Variants in ABR observed in about 807,000 individuals in gnomAD.
The protein encoded by ABR is ABR activator of RhoGEF and GTPase, also known as active breakpoint cluster region-related protein.
Under a neutral mutation model 107.2 loss-of-function variants are expected in ABR, and 35 were observed. That is an observed-to-expected ratio of 0.33 (90% CI 0.25 to 0.43). The LOEUF (loss-of-function observed/expected upper bound fraction) is 0.43, where lower values mean the gene tolerates loss of function less well. ABR is among the 20% of genes least tolerant of loss of function. The pLI is 1.00. For synonymous variants in ABR, 498 were observed against 462.0 expected (o/e 1.08, Z -1.00); for missense variants, 815 against 1,115.2 (o/e 0.73, Z 3.83).
At chr17:1,056,371 G>T (rs1290912331) in intron 13 of ABR, among the ~76,000 whole-genome samples, 2 of 152,098 alleles carry the variant, frequency 1.3e-5, no homozygotes, top group African/African-American at 4.8e-5. Flanking sequence ...CAGGGACTTA[G>T]TACCATTCCC....
intron 14 of ABR, among the ~76,000 whole-genome samples, chr17:1,053,465 G>A (rs2032827552): frequency 6.6e-6 from 1 of 151,980 alleles, no homozygotes; most frequent in Admixed American, 6.5e-5. Context: ...CAGAGCGAGG[G>A]TTCCGGAGTC....
Position 1,010,676 on chromosome 17 carries a change from G to A in ABR, c.2236+53C>T. The A allele has an allele frequency of 1.3e-6, 2 of 1,592,106 alleles. No individual in the cohort carries two copies. The highest frequency in any genetic ancestry group is 1.1e-5 in the South Asian group (1 of 90,086). ...CCTGCTGGTTACTTCTCCGGGCAGG[G>A]AGTCCTGGCTCAGTCTGGCCCAGCC... On this transcript the variant is annotated intron_variant, in intron 20 of 22. Coordinates refer to ENST00000302538, the MANE Select transcript of ABR (RefSeq NM_021962.5). This position sits in a 1 kb window ranked among gnomAD's most constrained non-coding sequence, Gnocchi z 4.1.
chr17:1,143,380 TTCCTGGGGGACAGCTCGC>T (rs2040389953), intron 1 of ABR, among the ~76,000 whole-genome samples: 20 of 2,904 alleles, frequency 6.9e-3, no homozygotes, highest in East Asian at 8.6e-3. Flanking sequence ...GGACAGCTCA[TTCCTGGGGGACAGCTCGC>T]TCCTGGGGGG....
Position 1,092,376 on chromosome 17 carries a change from C to T in ABR, c.346-526G>A, listed in dbSNP as rs763676194. On this transcript the variant is annotated intron_variant, in intron 3 of 22. Transcript: ENST00000302538. This position sits in a 1 kb window ranked among gnomAD's most constrained non-coding sequence, Gnocchi z 4.6. ...CACTTGGCACAGGGAGAGGCATGGG[C>T]GTTCACGTGTCCCCCACTGCAGCCC... Among the ~76,000 whole-genome samples the T allele has an allele frequency of 6.6e-6, 1 of 152,164 alleles. No homozygotes were observed. The highest frequency in any genetic ancestry group is 2.4e-5 in the African/African-American group (1 of 41,430).
At chr17:1,155,160 G>A (rs1179489513) in intron 1 of ABR, among the ~76,000 whole-genome samples, 1 of 152,118 alleles carries the variant, frequency 6.6e-6, no homozygotes, top group Admixed American at 6.5e-5. Flanking sequence ...GATGACTGGA[G>A]CAGATGGGCA....
At chr17:1,043,411 C>T (rs954668875) in intron 16 of ABR, among the ~76,000 whole-genome samples, 3 of 152,328 alleles carry the variant, frequency 2.0e-5, no homozygotes, top group South Asian at 4.1e-4. Context: ...TCAGGTGATC[C>T]ATCTACCTCG....
chr17:1,071,290 G>A lies in ABR; in HGVS notation c.895-1200C>T, dbSNP rs1360730919. On this transcript the variant is annotated intron_variant, in intron 8 of 22. Transcript: ENST00000302538. This position sits in a 1 kb window ranked among gnomAD's most constrained non-coding sequence, Gnocchi z 5.1. ...TCAGCACCAGGAGCCGCACGGAATC[G>A]GCTCTCTCTGCCCAGTGGACACTGT... Among the ~76,000 whole-genome samples the A allele has an allele frequency of 1.3e-5, 2 of 152,114 alleles. No individual in the cohort carries two copies. Among genetic ancestry groups the A allele is most frequent in the South Asian group, 2.1e-4 (1 of 4,824 alleles).
chr17:1,146,125 G>A (rs1214927260), intron 1 of ABR, among the ~76,000 whole-genome samples: 1 of 152,202 alleles, frequency 6.6e-6, no homozygotes, highest in Non-Finnish European at 1.5e-5. Context: ...GACGTGCCCA[G>A]GTTAGCCTCT....
Position 1,194,658 on chromosome 17 carries a change from AT to A in ABR, c.838+34134del, listed in dbSNP as rs1177252815. Among the ~76,000 whole-genome samples the A allele has an allele frequency of 1.8e-3, 206 of 112,478 alleles. 20 individuals carry two copies. Among genetic ancestry groups the A allele is most frequent in the Admixed American group, 6.8e-3 (60 of 8,864 alleles). The allele number at this position is 112,478 out of a possible 152,430, so 73.8% of individuals were successfully genotyped here. ...AGGCATGCACCACCACACCCAGCTAATTTTTTTTTTTTTAAGATGGAGTCTC... is the reference window on the plus strand; with the variant it reads ...AGGCATGCACCACCACACCCAGCTAATTTTTTTTTTTTAAGATGGAGTCTC... On this transcript the variant is annotated intron_variant, in intron 1 of 22. Transcript: ENST00000574139.
intron 10 of ABR, among the ~76,000 whole-genome samples, chr17:1,061,565 T>G (rs951523769): frequency 2.6e-5 from 4 of 151,154 alleles, no homozygotes; most frequent in African/African-American, 9.7e-5. Context: ...TTTTTTGAGA[T>G]GGAGTCCCAC....
chr17:1,069,549 G>A (rs2035038068), intron 9 of ABR, among the ~76,000 whole-genome samples: 2 of 152,040 alleles, frequency 1.3e-5, no homozygotes, highest in African/African-American at 4.8e-5. Flanking sequence ...GCGTGCACCT[G>A]TAATCCCAGC....
intron 16 of ABR, among the ~76,000 whole-genome samples, chr17:1,032,586 C>T (rs944256353): frequency 1.5e-5 from 2 of 129,360 alleles, no homozygotes; most frequent in South Asian, 3.2e-4. Flanking sequence ...GCGCAGAGGA[C>T]GCCACGGGCA....
intron 1 of ABR, among the ~76,000 whole-genome samples, chr17:1,196,128 CAAAAAA>C (rs71148443): frequency 8.1e-6 from 1 of 123,894 alleles, no homozygotes; most frequent in Admixed American, 7.8e-5. Context: ...GATTCTGTCT[CAAAAAA>C]AAAAAAAAAA....
upstream of ABR, among the ~76,000 whole-genome samples, chr17:1,180,224 C>T (rs1311794037): frequency 6.6e-6 from 1 of 152,066 alleles, no homozygotes; most frequent in Non-Finnish European, 1.5e-5. Context: ...CTCGTCCCCC[C>T]CGCGCCGGGC....
chr17:1,102,744 C>G (rs1168241596), intron 2 of ABR, among the ~76,000 whole-genome samples: 2 of 152,194 alleles, frequency 1.3e-5, no homozygotes, highest in Non-Finnish European at 2.9e-5. Context: ...AAGTCTCCCT[C>G]TGTCGCCCAG....
At chr17:1,044,815 C>T (rs1045673482) in intron 16 of ABR, among the ~76,000 whole-genome samples, 8 of 152,188 alleles carry the variant, frequency 5.3e-5, no homozygotes, top group African/African-American at 1.7e-4. Flanking sequence ...GCGGGTCTGT[C>T]CTCCAGAACT....
chr17:1,196,102 C>A (rs1400810538), intron 1 of ABR, among the ~76,000 whole-genome samples: 5 of 146,202 alleles, frequency 3.4e-5, no homozygotes, highest in African/African-American at 1.0e-4. Flanking sequence ...GCACTCCAGC[C>A]TGAGCAACAG....
intron 1 of ABR, among the ~76,000 whole-genome samples, chr17:1,217,647 C>A (rs1452573895): frequency 6.6e-6 from 1 of 152,150 alleles, no homozygotes; most frequent in African/African-American, 2.4e-5. Context: ...GTGGCAGAGC[C>A]GTGAATCGAA....
rs2032389600 is a variant in ABR, at chr17:1,050,744, C to T, written c.1562-110G>A. On this transcript the variant is annotated intron_variant, in intron 14 of 22. Transcript: ENST00000302538. This position sits in a 1 kb window ranked among gnomAD's most constrained non-coding sequence, Gnocchi z 4.6. ...TCGCATCTGTCCTTTCCAACGTCCCCACGGATGGCATCTTGGCTCTCTCCT... is the reference window on the plus strand; with the variant it reads ...TCGCATCTGTCCTTTCCAACGTCCCTACGGATGGCATCTTGGCTCTCTCCT... 1 of 847,258 alleles carries T rather than the reference C, an allele frequency of 1.2e-6. No homozygotes were observed. Among genetic ancestry groups the T allele is most frequent in the Non-Finnish European group, 2.0e-6 (1 of 510,446 alleles). 52.5% of individuals were successfully genotyped at this position (847,258 alleles called of 1,614,324 possible).
Sources: gnomAD v4.1 joint callset for allele counts (sites outside exome capture counted in the v4.1 genomes callset) on GRCh38, gnomAD v4.1.1 for gene constraint, Gnocchi (gnomAD v3.1) non-coding constraint, MANE v1.5 for transcripts, NCBI Gene and HGNC (gene_info 2026-07-23, HGNC 2026-07-21) for gene names.